Variants in NRG3 observed in about 807,000 individuals in gnomAD.
The protein encoded by NRG3 is pro-neuregulin-3, membrane-bound isoform.
Under a neutral mutation model 66.9 loss-of-function variants are expected in NRG3, and 31 were observed. The observed-to-expected ratio is 0.46, with a 90% confidence interval of 0.35 to 0.63. The LOEUF (loss-of-function observed/expected upper bound fraction) is 0.63. Among genes scored for constraint, NRG3 ranks in the 20% least tolerant of loss-of-function variants. NRG3 has a pLI of 0.00. For synonymous variants in NRG3, 393 were observed against 359.4 expected (o/e 1.09, Z -1.06); for missense variants, 910 against 878.9 (o/e 1.04, Z -0.45).
intron 2 of NRG3, among the ~76,000 whole-genome samples, chr10:82,723,048 C>T (rs1410097542): frequency 6.6e-6 from 1 of 152,106 alleles, no homozygotes; most frequent in African/African-American, 2.4e-5. Flanking sequence ...CTATTCACAA[C>T]AGCAAAGACG....
At chr10:82,250,969 G>C (rs1477168871) in intron 1 of NRG3, among the ~76,000 whole-genome samples, 1 of 152,170 alleles carries the variant, frequency 6.6e-6, no homozygotes, top group African/African-American at 2.4e-5. Context: ...CAACGTTCTG[G>C]CTTGCAAGTA....
At chr10:82,216,395 T>C (rs74908409) in intron 1 of NRG3, among the ~76,000 whole-genome samples, 16,748 of 151,744 alleles carry the variant, frequency 0.11, 1,031 homozygotes, top group Middle Eastern at 0.17. Flanking sequence ...TACTCTGGAG[T>C]ATACTCTGAA....
chr10:82,707,037 ATG>A (rs1491323136), intron 2 of NRG3, among the ~76,000 whole-genome samples: 5 of 141,966 alleles, frequency 3.5e-5, no homozygotes, highest in African/African-American at 7.6e-5. Flanking sequence ...ATATATATAT[ATG>A]TATATATATT....
intron 1 of NRG3, among the ~76,000 whole-genome samples, chr10:82,040,202 T>A (rs2062969352): frequency 6.6e-6 from 1 of 152,082 alleles, no homozygotes; most frequent in Non-Finnish European, 1.5e-5. Flanking sequence ...GTTTTCCACA[T>A]GCAGCACTAA....
intron 4 of NRG3, 132 bp from the exon 5 acceptor site, chr10:82,951,337 T>G (rs1232547165): frequency 6.4e-6 from 4 of 625,206 alleles, no homozygotes; most frequent in Non-Finnish European, 1.1e-5. Flanking sequence ...GTTCCTTGTT[T>G]TTTCCCTATT....
chr10:82,979,017 A>G lies in NRG3; in HGVS notation c.1480A>G (p.Thr494Ala). 1.9e-6 allele frequency: 3 copies of G among 1,614,076 alleles called. No homozygotes were observed. The highest frequency in any genetic ancestry group is 2.5e-6 in the Non-Finnish European group (3 of 1,179,974). ...GMLHRNAFRR[T>A]PPSPRSRLGG... ...GCTCCATAGGAATGCCTTCAGAAGGACACCCCCGTCACCCCGAAGTAGGCT... is the reference window on the plus strand; with the variant it reads ...GCTCCATAGGAATGCCTTCAGAAGGGCACCCCCGTCACCCCGAAGTAGGCT... The change falls in exon 8 of 9, where the codon ACA (threonine) becomes GCA (alanine). Residue 494 changes from threonine to alanine, a missense_variant. Thr to Ala is a moderately conservative substitution (Grantham distance 58, BLOSUM62 0). Coordinates refer to ENST00000372141, the MANE Select transcript of NRG3 (RefSeq NM_001010848.4).
intron 2 of NRG3, among the ~76,000 whole-genome samples, chr10:82,430,253 T>C (rs370807905): frequency 3.4e-4 from 52 of 151,960 alleles, no homozygotes; most frequent in African/African-American, 1.2e-3. Context: ...GAGTACCAGT[T>C]TTTTTGTTTT....
At chr10:82,263,491 T>G (rs2078140280) in intron 1 of NRG3, among the ~76,000 whole-genome samples, 1 of 152,218 alleles carries the variant, frequency 6.6e-6, no homozygotes, top group Admixed American at 6.5e-5. Flanking sequence ...TCCTACCATT[T>G]ATAAGCATTA....
intron 2 of NRG3, among the ~76,000 whole-genome samples, chr10:82,423,107 A>G (rs1430216160): frequency 1.3e-5 from 2 of 151,948 alleles, no homozygotes. Context: ...ACTATAGACT[A>G]AAAACAATTT....
At position 82,202,835 on chromosome 10, in the gene NRG3, G is replaced by A. The variant is rs72825479; in HGVS notation, c.824-155904G>A. ...TAAAAGGAGGGACGTGGGAAGATCTGACTAGAAGAAAAACATGTGTCATAA... is the reference window on the plus strand; with the variant it reads ...TAAAAGGAGGGACGTGGGAAGATCTAACTAGAAGAAAAACATGTGTCATAA... On this transcript the variant is annotated intron_variant, in intron 1 of 8. Transcript: ENST00000372141. Among the ~76,000 whole-genome samples, 552 of 152,272 alleles carry A rather than the reference G, an allele frequency of 3.6e-3. 1 individual carries two copies. Among genetic ancestry groups the A allele is most frequent in the Non-Finnish European group, 6.1e-3 (414 of 68,030 alleles).
At chr10:82,025,259 C>G (rs1238558735) in intron 1 of NRG3, among the ~76,000 whole-genome samples, 1 of 150,384 alleles carries the variant, frequency 6.6e-6, no homozygotes, top group Non-Finnish European at 1.5e-5. Flanking sequence ...TTATATCTTA[C>G]ACTTTGATAT....
At chr10:82,020,495 G>C (rs970752956) in intron 1 of NRG3, among the ~76,000 whole-genome samples, 2 of 152,032 alleles carry the variant, frequency 1.3e-5, no homozygotes, top group African/African-American at 4.8e-5. Context: ...CTTAACTTGG[G>C]CCCTGAGTAG....
intron 1 of NRG3, among the ~76,000 whole-genome samples, chr10:81,910,454 AAATT>A (rs1845025573): frequency 6.6e-6 from 1 of 152,224 alleles, no homozygotes; most frequent in African/African-American, 2.4e-5. Context: ...TTTATAAACT[AAATT>A]AAACAACATG....
Position 81,893,587 on chromosome 10 carries a change from C to T in NRG3, c.823+17424C>T, listed in dbSNP as rs116557183. Reference sequence around the variant, plus strand: ...ATCCTCCCGTAAATCCCCTGATCGTCGTAGGTGTTTGCATTTCATTAGCAG... The same window carrying T: ...ATCCTCCCGTAAATCCCCTGATCGTTGTAGGTGTTTGCATTTCATTAGCAG... On this transcript the variant is annotated intron_variant, in intron 1 of 8. Transcript: ENST00000372141. Among the ~76,000 whole-genome samples, 799 of 152,194 alleles carry T rather than the reference C, an allele frequency of 5.2e-3. 6 individuals are homozygous for T. The highest frequency in any genetic ancestry group is 0.018 in the African/African-American group (762 of 41,536).
chr10:82,141,232 C>T (rs1376539569), intron 1 of NRG3, among the ~76,000 whole-genome samples: 1 of 152,126 alleles, frequency 6.6e-6, no homozygotes, highest in Non-Finnish European at 1.5e-5. Context: ...CACATACCTA[C>T]TCTCCATTAT....
intron 2 of NRG3, among the ~76,000 whole-genome samples, chr10:82,588,271 T>G (rs2046787256): frequency 6.6e-6 from 1 of 152,170 alleles, no homozygotes; most frequent in African/African-American, 2.4e-5. Flanking sequence ...GGGAGCACCA[T>G]CCTCTTGATG....
chr10:82,020,548 C>T (rs79504773), intron 1 of NRG3, among the ~76,000 whole-genome samples: 2,274 of 152,158 alleles, frequency 0.015, 27 homozygotes, highest in Non-Finnish European at 0.022. Context: ...ATAAAATTTA[C>T]GTAAAATAGT....
intron 2 of NRG3, among the ~76,000 whole-genome samples, chr10:82,527,333 A>C (rs1846815245): frequency 6.6e-6 from 1 of 152,074 alleles, no homozygotes. Context: ...ATATTAGTAA[A>C]TATAATTGTT....
intron 2 of NRG3, among the ~76,000 whole-genome samples, chr10:82,517,639 G>A (rs1292116084): frequency 5.6e-5 from 5 of 89,810 alleles, no homozygotes; most frequent in African/African-American, 5.4e-4. Context: ...GCCCCCCCGT[G>A]TGTGTTTGTG....
Sources: gnomAD v4.1 joint callset for allele counts (sites outside exome capture counted in the v4.1 genomes callset) on GRCh38, gnomAD v4.1.1 for gene constraint, MANE v1.5 for transcripts, NCBI Gene and HGNC (gene_info 2026-07-23, HGNC 2026-07-21) for gene names.